The following SHLD1 variants were observed in gnomAD, a reference collection of about 807,000 sequenced individuals.
SHLD1 encodes shieldin complex subunit 1, also known as RINN1-REV7-interacting novel NHEJ regulator 3.
In SHLD1, 3 loss-of-function variants were observed where a neutral mutation model predicts 5.5. The ratio of observed to expected loss-of-function variants is 0.54; its 90% confidence interval spans 0.25 to 1.40. The LOEUF (loss-of-function observed/expected upper bound fraction) is 1.40. Ranked by LOEUF, SHLD1 falls within the 40% of genes most tolerant of loss-of-function variation. The pLI, the probability that SHLD1 is intolerant of heterozygous loss-of-function variation, is 0.15. For synonymous variants in SHLD1, 92 were observed against 94.3 expected (o/e 0.98, Z 0.14); for missense variants, 210 against 244.4 (o/e 0.86, Z 0.94).
chr20:5,805,774 T>C (rs2087365842), intron 2 of SHLD1, among the ~76,000 whole-genome samples: 1 of 151,974 alleles, frequency 6.6e-6, no homozygotes, highest in Non-Finnish European at 1.5e-5. Flanking sequence ...CTAATTTTTG[T>C]ATTTTTGGTA....
chr20:5,768,769 C>G (rs1348969727), intron 1 of SHLD1, among the ~76,000 whole-genome samples: 1 of 152,044 alleles, frequency 6.6e-6, no homozygotes, highest in African/African-American at 2.4e-5. Flanking sequence ...GTTTTAGAAC[C>G]TTTTTACATT....
intron 2 of SHLD1, among the ~76,000 whole-genome samples, chr20:5,832,389 G>A (rs1376401681): frequency 2.0e-5 from 3 of 152,166 alleles, no homozygotes; most frequent in South Asian, 2.1e-4. Context: ...GATTAAGATC[G>A]GGGCTTTCAC....
chr20:5,821,765 G>T (rs1014407877), intron 2 of SHLD1, among the ~76,000 whole-genome samples: 1 of 152,112 alleles, frequency 6.6e-6, no homozygotes, highest in African/African-American at 2.4e-5. Context: ...GACTGCCACC[G>T]GATGCTTGGC....
chr20:5,862,894 A>G (rs769552791), intron 2 of SHLD1, 130 bp from the exon 3 acceptor site: 55 of 783,612 alleles, frequency 7.0e-5, no homozygotes, highest in Admixed American at 9.0e-5. Flanking sequence ...AAATCAGCTG[A>G]TATTTCCCAT....
intron 2 of SHLD1, among the ~76,000 whole-genome samples, chr20:5,776,804 G>A (rs944344252): frequency 2.0e-5 from 3 of 151,808 alleles, no homozygotes; most frequent in Non-Finnish European, 2.9e-5. Context: ...TAAAAAAAAA[G>A]CATTCACATT....
At chr20:5,774,807 C>T (rs927487374) in intron 2 of SHLD1, among the ~76,000 whole-genome samples, 25 of 152,280 alleles carry the variant, frequency 1.6e-4, no homozygotes, top group South Asian at 6.2e-4. Flanking sequence ...CATGACATTT[C>T]GGCAGGGACA....
chr20:5,862,154 G>C (rs1024456286), intron 2 of SHLD1, among the ~76,000 whole-genome samples: 1 of 152,180 alleles, frequency 6.6e-6, no homozygotes, highest in Admixed American at 6.5e-5. Context: ...CATGTTGGGG[G>C]TTACAGCTTC....
At chr20:5,795,940 C>A (rs1016494438) in intron 2 of SHLD1, among the ~76,000 whole-genome samples, 1 of 150,344 alleles carries the variant, frequency 6.7e-6, no homozygotes, top group Non-Finnish European at 1.5e-5. Flanking sequence ...TGCAGTGAGC[C>A]GAGATCGCAC....
chr20:5,763,426 G>A (rs1014034293), intron 1 of SHLD1, among the ~76,000 whole-genome samples: 1 of 152,046 alleles, frequency 6.6e-6, no homozygotes, highest in Non-Finnish European at 1.5e-5. Flanking sequence ...CATGCAAGAA[G>A]CTGTCTTTCC....
chr20:5,753,926 TC>T (rs1325487800), intron 1 of SHLD1, among the ~76,000 whole-genome samples: 1 of 152,184 alleles, frequency 6.6e-6, no homozygotes, highest in Non-Finnish European at 1.5e-5. Context: ...TATTAGACTT[TC>T]CTCTCTTAAA....
chr20:5,838,446 T>C (rs912571025), intron 2 of SHLD1, among the ~76,000 whole-genome samples: 3 of 152,204 alleles, frequency 2.0e-5, no homozygotes, highest in Non-Finnish European at 2.9e-5. Flanking sequence ...TAGATAAAAA[T>C]AAAAATTAGT....
chr20:5,813,518 A>G (rs554715213), intron 2 of SHLD1, among the ~76,000 whole-genome samples: 1 of 152,148 alleles, frequency 6.6e-6, no homozygotes, highest in Admixed American at 6.5e-5. Context: ...AGTTCTTAGG[A>G]TCATGGTTGG....
intron 1 of SHLD1, among the ~76,000 whole-genome samples, chr20:5,757,811 C>T (rs1029282589): frequency 9.2e-5 from 14 of 152,114 alleles, no homozygotes; most frequent in African/African-American, 2.9e-4. Context: ...CCATGTTGGC[C>T]AGACTGGTTT....
chr20:5,764,142 ATATATATATTTATATTT>A (rs1389614991), intron 1 of SHLD1, among the ~76,000 whole-genome samples: 5 of 46,510 alleles, frequency 1.1e-4, no homozygotes, highest in African/African-American at 2.5e-4. Flanking sequence ...AAAAAAAAAT[ATATATATATTTATATTT>A]ATATATATAT....
At position 5,817,788 on chromosome 20, in the gene SHLD1, C is replaced by G. The variant is rs116238418; in HGVS notation, c.178+44745C>G. The stretch of plus-strand genomic sequence containing the variant: ...TCTGGAGCTCTTTATCTGTTTAGCT[C>G]CCTCATCTCCAGGACTCAGCTTCAG... On this transcript the variant is annotated intron_variant, in intron 2 of 2. Coordinates refer to ENST00000303142, the MANE Select transcript of SHLD1 (RefSeq NM_152504.4). Among the ~76,000 whole-genome samples, 496 of 152,298 alleles carry G rather than the reference C, an allele frequency of 3.3e-3. 3 individuals carry two copies. The highest frequency in any genetic ancestry group is 0.012 in the African/African-American group (480 of 41,570).
At chr20:5,841,570 T>G (rs2087861217) in intron 2 of SHLD1, among the ~76,000 whole-genome samples, 1 of 152,346 alleles carries the variant, frequency 6.6e-6, no homozygotes, top group Non-Finnish European at 1.5e-5. Context: ...CATTTATATG[T>G]GAAATGAAAT....
chr20:5,829,224 C>T, intron 2 of SHLD1, among the ~76,000 whole-genome samples: 1 of 152,064 alleles, frequency 6.6e-6, no homozygotes, highest in East Asian at 1.9e-4. Context: ...TTAAAGGTCA[C>T]AAATGATGTT....
intron 2 of SHLD1, among the ~76,000 whole-genome samples, chr20:5,822,276 G>A (rs979294875): frequency 5.9e-5 from 9 of 152,092 alleles, no homozygotes; most frequent in Admixed American, 2.0e-4. Context: ...CAGCCAACAC[G>A]ATGAAACCCC....
At chr20:5,829,812 A>G (rs1158014785) in intron 2 of SHLD1, among the ~76,000 whole-genome samples, 1 of 152,204 alleles carries the variant, frequency 6.6e-6, no homozygotes, top group Non-Finnish European at 1.5e-5. Flanking sequence ...CTTGTCCTTT[A>G]TAATAGAATT....
Sources: gnomAD v4.1 joint callset for allele counts (sites outside exome capture counted in the v4.1 genomes callset) on GRCh38, gnomAD v4.1.1 for gene constraint, MANE v1.5 for transcripts, NCBI Gene and HGNC (gene_info 2026-07-23, HGNC 2026-07-21) for gene names.